The following BAIAP2 variants were observed in gnomAD, a reference collection of about 807,000 sequenced individuals.
BAIAP2 encodes the protein BAR/IMD domain containing adaptor protein 2.
In BAIAP2, 18 loss-of-function variants were observed where a neutral mutation model predicts 63.0. The observed-to-expected ratio is 0.29, with a 90% CI of 0.20 to 0.42. The LOEUF (loss-of-function observed/expected upper bound fraction) is 0.42, where lower values mean the gene tolerates loss of function less well. Among genes scored for constraint, BAIAP2 ranks in the 10% least tolerant of loss-of-function variants. The pLI, the probability that BAIAP2 is intolerant of heterozygous loss-of-function variation, is 1.00. For synonymous variants in BAIAP2, 386 were observed against 307.6 expected (o/e 1.25, Z -2.67); for missense variants, 610 against 734.3 (o/e 0.83, Z 1.96).
chr17:81,041,493 A>G (rs1266927029), intron 1 of BAIAP2, among the ~76,000 whole-genome samples: 1 of 152,044 alleles, frequency 6.6e-6, no homozygotes, highest in Non-Finnish European at 1.5e-5. Context: ...TAGAGTTTTT[A>G]TTTTATACTT....
At chr17:81,110,789 G>A in intron 13 of BAIAP2, 1 of 1,348,700 alleles carries the variant, frequency 7.4e-7, no homozygotes, top group Non-Finnish European at 1.1e-6. Flanking sequence ...CCCCAGCTGT[G>A]TGCCGACTCC....
At chr17:81,039,090 C>T (rs1445023013) in intron 1 of BAIAP2, among the ~76,000 whole-genome samples, 1 of 152,262 alleles carries the variant, frequency 6.6e-6, no homozygotes, top group Non-Finnish European at 1.5e-5. Flanking sequence ...TCTGCTGTCA[C>T]TGAGTAGACC....
chr17:81,060,696 A>C (rs1329053641), intron 3 of BAIAP2, among the ~76,000 whole-genome samples: 1 of 152,206 alleles, frequency 6.6e-6, no homozygotes, highest in Non-Finnish European at 1.5e-5. Flanking sequence ...TTATGAAAGC[A>C]ACACATCCTT....
chr17:81,089,825 G>A (rs2056403609), intron 6 of BAIAP2, among the ~76,000 whole-genome samples: 1 of 152,200 alleles, frequency 6.6e-6, no homozygotes, highest in African/African-American at 2.4e-5. Context: ...GGCAGGCAGG[G>A]CCCCGAAGCG....
At chr17:81,054,711 CT>C (rs1376631376) in intron 2 of BAIAP2, among the ~76,000 whole-genome samples, 1 of 152,182 alleles carries the variant, frequency 6.6e-6, no homozygotes, top group Non-Finnish European at 1.5e-5. Flanking sequence ...GTGTGGGGGA[CT>C]GGTGGCTGCA....
intron 3 of BAIAP2, among the ~76,000 whole-genome samples, chr17:81,079,631 C>T (rs965348200): frequency 1.3e-5 from 2 of 152,188 alleles, no homozygotes; most frequent in Non-Finnish European, 2.9e-5. Context: ...CACTCCCACA[C>T]CTACATCCTG....
intron 2 of BAIAP2, among the ~76,000 whole-genome samples, chr17:81,055,863 G>C (rs1312868999): frequency 6.6e-6 from 1 of 152,108 alleles, no homozygotes; most frequent in Non-Finnish European, 1.5e-5. Context: ...ACCGCGCCCG[G>C]CCGTCTGCAG....
At chr17:81,053,565 A>T in intron 1 of BAIAP2, 103 bp from the exon 2 acceptor site, 2 of 1,271,724 alleles carry the variant, frequency 1.6e-6, no homozygotes, top group Admixed American at 1.7e-5. Flanking sequence ...GTCGACCCCC[A>T]GGAGGGGTGC....
Position 81,106,071 on chromosome 17 carries a change from C to T in BAIAP2, c.1269-7C>T, listed in dbSNP as rs376793828. The stretch of plus-strand genomic sequence containing the variant: ...AGCGTGGCTCTTACCTGGGGCCTCT[C>T]TTCCAGGCGGGGCTGGTTTCCCTTC... On this transcript the variant is annotated splice_polypyrimidine_tract_variant and splice_region_variant and intron_variant, in intron 10 of 13. Transcript: ENST00000428708. 3.7e-4 allele frequency: 581 copies of T among 1,571,654 alleles called. No homozygotes were observed. The highest frequency in any genetic ancestry group is 4.8e-4 in the Non-Finnish European group (560 of 1,158,408).
chr17:81,108,092 G>T, intron 12 of BAIAP2: 1 of 298,518 alleles, frequency 3.3e-6, no homozygotes, highest in Non-Finnish European at 6.3e-6. Flanking sequence ...ACAAGCAGGC[G>T]GAGGAGTCCC....
At chr17:81,091,698 G>A (rs1436163583) in intron 6 of BAIAP2, among the ~76,000 whole-genome samples, 4 of 152,200 alleles carry the variant, frequency 2.6e-5, no homozygotes, top group Non-Finnish European at 5.9e-5. Flanking sequence ...GGGGGCTGCC[G>A]GACTGCCGGA....
Position 81,116,076 on chromosome 17 carries a change from C to A in BAIAP2, c.*237C>A. ...GGCTGGGCTGCCCAGGGCTGAGGGG[C>A]CGCCTCTTGAGGGTACACGCCTCTG... On this transcript the variant is annotated 3_prime_UTR_variant, in exon 14 of 14. Coordinates refer to ENST00000428708, the MANE Select transcript of BAIAP2 (RefSeq NM_001144888.2). 6.7e-7 allele frequency: 1 copy of A among 1,481,524 alleles called. No homozygotes were observed. Among genetic ancestry groups the A allele is most frequent in the Non-Finnish European group, 8.9e-7 (1 of 1,119,570 alleles). The allele number at this position is 1,481,524 out of a possible 1,614,324, so 91.8% of individuals were successfully genotyped here. A position where few individuals can be genotyped will look rare whatever the true frequency, so the allele number is the denominator to read the frequency against.
intron 3 of BAIAP2, among the ~76,000 whole-genome samples, chr17:81,077,491 C>G (rs1444621661): frequency 6.6e-6 from 1 of 151,968 alleles, no homozygotes; most frequent in Non-Finnish European, 1.5e-5. Context: ...TCACTTGAAC[C>G]CGGGAGGCGG....
intron 13 of BAIAP2, among the ~76,000 whole-genome samples, chr17:81,113,738 G>C (rs1354593720): frequency 6.6e-6 from 1 of 152,258 alleles, no homozygotes; most frequent in South Asian, 2.1e-4. Flanking sequence ...CACTGTTCTG[G>C]GAGACAAGAA....
At chr17:81,094,818 G>A (rs570891469) in intron 6 of BAIAP2, among the ~76,000 whole-genome samples, 221 of 152,332 alleles carry the variant, frequency 1.5e-3, no homozygotes, top group Admixed American at 2.7e-3. Context: ...GTCCGCAGCC[G>A]CATCCTTTCG....
At position 81,115,911 on chromosome 17, in the gene BAIAP2, C is replaced by T. The variant is rs914128828; in HGVS notation, c.*72C>T. 5 of 1,592,056 alleles carry T rather than the reference C, an allele frequency of 3.1e-6. No homozygotes were observed. Among genetic ancestry groups the T allele is most frequent in the Non-Finnish European group, 3.4e-6 (4 of 1,169,784 alleles). ...CCCATGTAGCCTGTTCTGTCATCAT[C>T]TGTGCGTTCCTGTGTAGAGAACATC... On this transcript the variant is annotated 3_prime_UTR_variant, in exon 14 of 14. Coordinates refer to ENST00000428708, the MANE Select transcript of BAIAP2 (RefSeq NM_001144888.2).
At chr17:81,069,757 G>A (rs1478035259) in intron 3 of BAIAP2, among the ~76,000 whole-genome samples, 3 of 152,172 alleles carry the variant, frequency 2.0e-5, no homozygotes, top group Non-Finnish European at 4.4e-5. Context: ...TCCTAGGCAA[G>A]GTTCAGTTCG....
intron 6 of BAIAP2, chr17:81,098,275 T>A: frequency 8.9e-7 from 1 of 1,122,286 alleles, no homozygotes; most frequent in Non-Finnish European, 1.1e-6. Flanking sequence ...GTCCGGGGCC[T>A]GGGAGGCAGC....
chr17:81,110,030 C>T (rs1163620693), intron 13 of BAIAP2: 1 of 985,388 alleles, frequency 1.0e-6, no homozygotes, highest in Non-Finnish European at 1.2e-6. Context: ...TAGAAACAAA[C>T]ACAGTGGACT....
Sources: gnomAD v4.1 joint callset for allele counts (sites outside exome capture counted in the v4.1 genomes callset) on GRCh38, gnomAD v4.1.1 for gene constraint, MANE v1.5 for transcripts, NCBI Gene and HGNC (gene_info 2026-07-23, HGNC 2026-07-21) for gene names.